The following PRDM10 variants were observed in gnomAD, a reference collection of about 807,000 sequenced individuals.
The protein encoded by PRDM10 is PR domain zinc finger protein 10.
PRDM10 carries 65 observed loss-of-function variants against 133.1 expected under a neutral mutation model. The ratio of observed to expected loss-of-function variants is 0.49; its 90% confidence interval spans 0.40 to 0.60. The LOEUF (loss-of-function observed/expected upper bound fraction) is 0.60, where lower values mean the gene tolerates loss of function less well. Among genes scored for constraint, PRDM10 ranks in the 20% least tolerant of loss-of-function variants. The probability of loss-of-function intolerance (pLI) is 0.00; values close to 1 mark genes in which losing one functional copy is unlikely to be tolerated. For synonymous variants in PRDM10, 582 were observed against 580.4 expected, an observed-to-expected ratio of 1.00 and a Z score of -0.04; for missense variants, 1,137 against 1,507.1, an observed-to-expected ratio of 0.75 and a Z score of 4.07.
intron 1 of PRDM10, among the ~76,000 whole-genome samples, chr11:129,996,692 C>T (rs1378599451): frequency 2.6e-5 from 4 of 152,070 alleles, no homozygotes; most frequent in African/African-American, 7.2e-5. Context: ...ACTTGGGAAA[C>T]GAAGGTGTGA....
intron 1 of PRDM10, among the ~76,000 whole-genome samples, chr11:129,991,934 C>G (rs553383608): frequency 5.5e-4 from 83 of 150,942 alleles, no homozygotes; most frequent in African/African-American, 2.0e-3. Flanking sequence ...GAGGTTGCGG[C>G]GAGCCAAGAT....
At chr11:129,905,077 A>G (rs1565444412) in intron 20 of PRDM10, among the ~76,000 whole-genome samples, 1 of 152,184 alleles carries the variant, frequency 6.6e-6, no homozygotes, top group African/African-American at 2.4e-5. Context: ...AAAAACGCTC[A>G]TAAGGGCCAG....
chr11:129,982,413 C>T (rs1938165715), intron 1 of PRDM10, among the ~76,000 whole-genome samples: 1 of 151,934 alleles, frequency 6.6e-6, no homozygotes, highest in Non-Finnish European at 1.5e-5. Context: ...CAGGTGCCCA[C>T]CACCTCGCCT....
chr11:129,950,458 C>T (rs940011651), intron 4 of PRDM10, among the ~76,000 whole-genome samples: 8 of 152,218 alleles, frequency 5.3e-5, no homozygotes, highest in South Asian at 2.1e-4. Context: ...GAAAGTTTTA[C>T]GGGGGAAGCC....
Position 129,931,210 on chromosome 11 carries a change from C to G in PRDM10, c.1336G>C (p.Ala446Pro). ...GGTTGATCCAGCCCATTCAGAGTGG[C>G]TGGTTCAGCCTCATCAAATTGCTCC... ...TKEQFDEAEP[A>P]TLNGLDQPEQ... is the part of the protein sequence containing the mutation. The change falls in exon 11 of 21, where the codon GCC (alanine) becomes CCC (proline). Residue 446 changes from alanine to proline, a missense_variant. Transcript: ENST00000360871. 1.9e-6 allele frequency: 3 copies of G among 1,614,090 alleles called. No homozygotes were observed. The highest frequency in any genetic ancestry group is 2.5e-6 in the Non-Finnish European group (3 of 1,179,992).
chr11:130,001,020 T>G (rs117192131), intron 1 of PRDM10, among the ~76,000 whole-genome samples: 2,481 of 152,142 alleles, frequency 0.016, 47 homozygotes, highest in African/African-American at 0.041. Flanking sequence ...AGCAGGAGGA[T>G]CCCTTGAGCC....
chr11:129,974,288 A>G (rs1419105939), intron 1 of PRDM10, among the ~76,000 whole-genome samples: 1 of 152,246 alleles, frequency 6.6e-6, no homozygotes, highest in Non-Finnish European at 1.5e-5. Context: ...TGGTAGAGCA[A>G]GAAGAAACTA....
At chr11:129,914,244 T>C (rs1015364927) in intron 17 of PRDM10, among the ~76,000 whole-genome samples, 4 of 152,302 alleles carry the variant, frequency 2.6e-5, no homozygotes, top group African/African-American at 9.6e-5. Context: ...TCAAGTGATC[T>C]GCCCGCCTCA....
intron 17 of PRDM10, among the ~76,000 whole-genome samples, chr11:129,914,114 GC>G (rs1950277204): frequency 6.6e-6 from 1 of 152,054 alleles, no homozygotes; most frequent in Admixed American, 6.6e-5. Flanking sequence ...CAATTCTCCT[GC>G]CCCAGCTTCC....
In PRDM10 at chr11:129,947,262, CCTCTTT is replaced by C; in HGVS notation, c.397_402del (p.Lys133_Glu134del). 1 of 1,614,182 alleles carries C rather than the reference CCTCTTT, an allele frequency of 6.2e-7. No homozygotes were observed. The highest frequency in any genetic ancestry group is 1.3e-5 in the African/African-American group (1 of 75,046). On this transcript the variant is annotated inframe_deletion, in exon 5 of 21. Transcript: ENST00000360871. The surrounding 1 kb of genome is among the most constrained non-coding windows in gnomAD (Gnocchi z 4.6). ...TCCTCGTCCTCATCCTCATCCTCTT[CCTCTTT>C]GGCCTCCAGTCTGCCTAGAGGGGTC...
At chr11:129,979,487 G>C (rs1485137449) in intron 1 of PRDM10, among the ~76,000 whole-genome samples, 1 of 152,120 alleles carries the variant, frequency 6.6e-6, no homozygotes, top group African/African-American at 2.4e-5. Flanking sequence ...GTCAGCTCCA[G>C]GGTGTGACCT....
At chr11:129,926,733 G>C (rs968952776) in intron 11 of PRDM10, among the ~76,000 whole-genome samples, 1 of 152,092 alleles carries the variant, frequency 6.6e-6, no homozygotes, top group Admixed American at 6.5e-5. Context: ...CAGCTGATGG[G>C]GCTGCTTCAG....
At chr11:129,957,966 C>A in intron 2 of PRDM10, 56 bp from the exon 3 acceptor site, 17 of 1,536,750 alleles carry the variant, frequency 1.1e-5, no homozygotes, top group African/African-American at 1.4e-5. Flanking sequence ...AAGTGATCAA[C>A]AAGCACACCT....
chr11:129,924,048 A>G (rs561057445), intron 12 of PRDM10, among the ~76,000 whole-genome samples: 160 of 152,368 alleles, frequency 1.1e-3, no homozygotes, highest in African/African-American at 3.6e-3. Flanking sequence ...TCTCTTAGCC[A>G]CACATATCCA....
At chr11:129,909,216 G>A (rs1950106032) in intron 19 of PRDM10, among the ~76,000 whole-genome samples, 1 of 151,662 alleles carries the variant, frequency 6.6e-6, no homozygotes, top group African/African-American at 2.4e-5. Context: ...TTGAGAGGCT[G>A]AAGTGGGCGG....
At position 129,901,686 on chromosome 11, in the gene PRDM10, T is replaced by C. The variant is rs1949848247; in HGVS notation, c.*627A>G. ...GAGGACCAGCATCTGTGGAAAGCAC[T>C]ACCAACAGCCCAACAATAGTTTTCT... is the stretch of plus-strand genomic sequence containing the variant. On this transcript the variant is annotated 3_prime_UTR_variant, in exon 21 of 21. Coordinates refer to ENST00000360871, the MANE Select transcript of PRDM10 (RefSeq NM_199437.2). The C allele has an allele frequency of 6.6e-6, 1 of 152,218 alleles. No individual in the cohort carries two copies. The highest frequency in any genetic ancestry group is 1.5e-5 in the Non-Finnish European group (1 of 68,054). 9.4% of individuals were successfully genotyped at this position (152,218 alleles called of 1,614,324 possible). A position where few individuals can be genotyped will look rare whatever the true frequency, so the allele number is the denominator to read the frequency against.
chr11:129,911,630 A>G (rs571746601), intron 18 of PRDM10, among the ~76,000 whole-genome samples: 7 of 152,212 alleles, frequency 4.6e-5, no homozygotes, highest in Non-Finnish European at 1.0e-4. Context: ...CCCCTCCTTC[A>G]AGACCTCAAA....
chr11:129,908,767 A>AC (rs1950091626), intron 19 of PRDM10, among the ~76,000 whole-genome samples: 2 of 151,212 alleles, frequency 1.3e-5, no homozygotes, highest in African/African-American at 2.4e-5. Flanking sequence ...TCATCACTCC[A>AC]CTTTTTTTTT....
intron 13 of PRDM10, among the ~76,000 whole-genome samples, chr11:129,921,241 G>A (rs1950515632): frequency 6.6e-6 from 1 of 152,234 alleles, no homozygotes. Context: ...CCAGCAAAAG[G>A]CCCTGTGGGA....
Sources: gnomAD v4.1 joint callset for allele counts (sites outside exome capture counted in the v4.1 genomes callset) on GRCh38, gnomAD v4.1.1 for gene constraint, Gnocchi (gnomAD v3.1) non-coding constraint, MANE v1.5 for transcripts, NCBI Gene and HGNC (gene_info 2026-07-23, HGNC 2026-07-21) for gene names.